The following SBK1 variants were observed in gnomAD, a reference collection of about 807,000 sequenced individuals.
SBK1 encodes serine/threonine-protein kinase SBK1.
A neutral mutation model predicts 24.4 loss-of-function variants in SBK1; 11 were observed. The observed-to-expected ratio is 0.45, with a 90% CI of 0.28 to 0.75. SBK1 has a LOEUF of 0.75. SBK1 is among the 30% of genes least tolerant of loss of function. SBK1 has a pLI of 0.12. For synonymous variants in SBK1, 308 were observed against 284.4 expected (o/e 1.08, Z -0.83); for missense variants, 467 against 620.5 (o/e 0.75, Z 2.63).
At chr16:28,262,392 T>G (rs2044403212) in intron 1 of SBK1, among the ~76,000 whole-genome samples, 1 of 152,198 alleles carries the variant, frequency 6.6e-6, no homozygotes, top group Admixed American at 6.5e-5. Context: ...TTTGGGTCTC[T>G]GCAAAATTAA....
At chr16:28,298,855 T>C (rs921301136) in intron 1 of SBK1, among the ~76,000 whole-genome samples, 10 of 152,328 alleles carry the variant, frequency 6.6e-5, no homozygotes, top group African/African-American at 2.4e-4. Context: ...TCCTCCTCCT[T>C]CTGATCTGGG....
rs766467320 is a variant in SBK1 at position 28,317,642 on chromosome 16, C to T, written c.226+25C>T. ...GGTGAACAAGTGCAGGGTGGCAGGG[C>T]TGAGAGGTTGGGGTGGGGCAGGGCT... On this transcript the variant is annotated intron_variant, in intron 2 of 3. Coordinates refer to ENST00000341901, the MANE Select transcript of SBK1 (RefSeq NM_001024401.3). The surrounding 1 kb of genome is among the most constrained non-coding windows in gnomAD (Gnocchi z 4.2). The T allele has an allele frequency of 2.1e-6, 3 of 1,429,596 alleles. No individual in the cohort carries two copies. The highest frequency in any genetic ancestry group is 3.0e-6 in the Non-Finnish European group (3 of 1,016,550). The allele number at this position is 1,429,596 out of a possible 1,614,324, so 88.6% of individuals were successfully genotyped here. A position where few individuals can be genotyped will look rare whatever the true frequency, so the allele number is the denominator to read the frequency against.
chr16:28,320,019 C>CGG lies in SBK1; in HGVS notation c.430-56_430-55dup. ...CTAGAGAGGGAGCTGGAGGGGAGGG[C>CGG]GGCGGGGCGGGCGCTGGAGAGCTGG... On this transcript the variant is annotated intron_variant, in intron 3 of 3. Transcript: ENST00000341901. The surrounding 1 kb of genome is among the most constrained non-coding windows in gnomAD (Gnocchi z 8.5). 7.1e-7 allele frequency: 1 copy of CGG among 1,404,442 alleles called. No individual in the cohort carries two copies. The highest frequency in any genetic ancestry group is 9.2e-7 in the Non-Finnish European group (1 of 1,081,370). 87.0% of individuals were successfully genotyped at this position (1,404,442 alleles called of 1,614,324 possible).
In SBK1 at chr16:28,319,771, C is replaced by CA. The variant is rs1454034518; in HGVS notation, c.430-301dup. Among the ~76,000 whole-genome samples the CA allele has an allele frequency of 6.6e-6, 1 of 152,102 alleles. No homozygotes were observed. Among genetic ancestry groups the CA allele is most frequent in the Non-Finnish European group, 1.5e-5 (1 of 68,020 alleles). The stretch of plus-strand genomic sequence containing the variant: ...CGAGATAAGTATCTAGCAGGCAGGG[C>CA]AAAATGACAGCAGGTGGAGGGCGCC... On this transcript the variant is annotated intron_variant, in intron 3 of 3. Transcript: ENST00000341901. The surrounding 1 kb of genome is among the most constrained non-coding windows in gnomAD (Gnocchi z 4.0).
chr16:28,293,361 C>T, intron 1 of SBK1, 61 bp downstream of exon 1: 3 of 827,008 alleles, frequency 3.6e-6, no homozygotes, highest in Non-Finnish European at 4.4e-6. Context: ...CATAGCCCTG[C>T]AGGTGGGGAA....
In SBK1 at chr16:28,305,659, GTAGCTGGGATTAC is replaced by G. The variant is rs1209836664; in HGVS notation, c.-7-11725_-7-11713del. ...TGATTCTCCTGCCTCAGCCTCCCGA[GTAGCTGGGATTAC>G]AGGCGCCTGCCACCACACCTGGCTA... On this transcript the variant is annotated intron_variant, in intron 1 of 3. Coordinates refer to ENST00000341901, the MANE Select transcript of SBK1 (RefSeq NM_001024401.3). Among the ~76,000 whole-genome samples the G allele has an allele frequency of 2.0e-5, 3 of 151,500 alleles. No homozygotes were observed. In the East Asian group the frequency reaches 5.8e-4, roughly 29 times the overall value.
chr16:28,263,209 GC>G (rs1406540308), intron 1 of SBK1, among the ~76,000 whole-genome samples: 1 of 152,184 alleles, frequency 6.6e-6, no homozygotes, highest in East Asian at 1.9e-4. Flanking sequence ...TCGTTGCATA[GC>G]TTTTGTGGGC....
At chr16:28,282,530 C>T (rs1429536160) in intron 1 of SBK1, among the ~76,000 whole-genome samples, 3 of 152,146 alleles carry the variant, frequency 2.0e-5, no homozygotes, top group East Asian at 1.9e-4. Context: ...GCAGTGTCTC[C>T]CTCACTAGTC....
At chr16:28,288,094 C>T (rs1482465163), upstream of SBK1, among the ~76,000 whole-genome samples, 1 of 152,078 alleles carries the variant, frequency 6.6e-6, no homozygotes, top group Non-Finnish European at 1.5e-5. Context: ...TGTACTAGAT[C>T]TAACACGTGG....
At chr16:28,309,944 C>A (rs2044743220) in intron 1 of SBK1, among the ~76,000 whole-genome samples, 1 of 152,174 alleles carries the variant, frequency 6.6e-6, no homozygotes, top group Non-Finnish European at 1.5e-5. Flanking sequence ...CAAAGTAGGC[C>A]TGAGCCAGAC....
intron 1 of SBK1, among the ~76,000 whole-genome samples, chr16:28,277,280 C>T (rs1026946549): frequency 6.6e-6 from 1 of 151,458 alleles, no homozygotes; most frequent in Non-Finnish European, 1.5e-5. Context: ...GGTGTGGCTG[C>T]GTGGGGACTT....
chr16:28,283,500 G>A (rs9936915), intron 1 of SBK1, among the ~76,000 whole-genome samples: 2,271 of 152,190 alleles, frequency 0.015, 64 homozygotes, highest in African/African-American at 0.052. Context: ...GCTTTTCAGC[G>A]CCATAGAAAG....
At chr16:28,281,139 G>A (rs1222592400) in intron 1 of SBK1, among the ~76,000 whole-genome samples, 1 of 152,060 alleles carries the variant, frequency 6.6e-6, no homozygotes, top group East Asian at 1.9e-4. Flanking sequence ...TTCCATCCTG[G>A]CTGAGCCTCC....
chr16:28,259,537 A>T lies in SBK1; in HGVS notation c.257+35A>T. 1 of 763,538 alleles carries T rather than the reference A, an allele frequency of 1.3e-6. No homozygotes were observed. The highest frequency in any genetic ancestry group is 1.6e-6 in the Non-Finnish European group (1 of 627,226). 47.3% of individuals were successfully genotyped at this position (763,538 alleles called of 1,614,324 possible). On this transcript the variant is annotated intron_variant, in intron 1 of 3. Coordinates refer to the SBK1 transcript ENST00000671413. This position sits in a 1 kb window ranked among gnomAD's most constrained non-coding sequence, Gnocchi z 6.0. ...CGTGGGTGGCCAGTGGGTGGGCAGC[A>T]GGTGGGCACAGCGCTCGACCCAGGG...
At chr16:28,280,352 T>A (rs12927889) in intron 1 of SBK1, among the ~76,000 whole-genome samples, 4 of 143,426 alleles carry the variant, frequency 2.8e-5, no homozygotes, top group South Asian at 2.1e-4. Context: ...ATATATAAAA[T>A]ATATATATAT....
At chr16:28,266,088 G>T (rs2044426501) in intron 1 of SBK1, among the ~76,000 whole-genome samples, 2 of 152,146 alleles carry the variant, frequency 1.3e-5, no homozygotes, top group South Asian at 4.1e-4. Context: ...TGAAAGGACA[G>T]TGAGGCTGAG....
In SBK1 at chr16:28,320,885, G is replaced by A; in HGVS notation, c.1239G>A (p.Gln413=). The change falls in exon 4 of 4, where the codon CAG becomes CAA. Residue 413 remains glutamine (Q), a synonymous_variant. Coordinates refer to ENST00000341901, the MANE Select transcript of SBK1 (RefSeq NM_001024401.3). This position sits in a 1 kb window ranked among gnomAD's most constrained non-coding sequence, Gnocchi z 8.5. Reference sequence around the variant, plus strand: ...GCCGCGCGGACAAGAGCAAAGGGCAGGTGGTGCTGGCCACGGCCATCGAGA... The same window carrying A: ...GCCGCGCGGACAAGAGCAAAGGGCAAGTGGTGCTGGCCACGGCCATCGAGA... The part of the protein sequence containing the change: ...TDGRADKSKG[Q]VVLATAIEIC... 6.6e-7 allele frequency: 1 copy of A among 1,504,374 alleles called. No individual in the cohort carries two copies. 93.2% of individuals were successfully genotyped at this position (1,504,374 alleles called of 1,614,324 possible). A position where few individuals can be genotyped will look rare whatever the true frequency, so the allele number is the denominator to read the frequency against.
At chr16:28,291,571 A>G (rs1415494026), upstream of SBK1, 1 of 152,210 alleles carries the variant, frequency 6.6e-6, no homozygotes, top group African/African-American at 2.4e-5. Flanking sequence ...AAACAAAAAA[A>G]AAAGAAAGAA....
At chr16:28,308,514 C>T (rs2044732138) in intron 1 of SBK1, among the ~76,000 whole-genome samples, 1 of 127,274 alleles carries the variant, frequency 7.9e-6, no homozygotes, top group African/African-American at 3.0e-5. Context: ...TTGAGACCTC[C>T]CAGGCTTAAG....
Sources: gnomAD v4.1 joint callset for allele counts (sites outside exome capture counted in the v4.1 genomes callset) on GRCh38, gnomAD v4.1.1 for gene constraint, Gnocchi (gnomAD v3.1) non-coding constraint, MANE v1.5 for transcripts, NCBI Gene and HGNC (gene_info 2026-07-23, HGNC 2026-07-21) for gene names.